DLG2: variants seen among roughly 807,000 people sequenced by gnomAD.
DLG2 encodes disks large homolog 2.
Under a neutral mutation model 132.5 loss-of-function variants are expected in DLG2, and 45 were observed. The ratio of observed to expected loss-of-function variants is 0.34; its 90% confidence interval spans 0.27 to 0.44. The LOEUF (loss-of-function observed/expected upper bound fraction) is 0.44. Among genes scored for constraint, DLG2 ranks in the 20% least tolerant of loss-of-function variants. The pLI is 1.00. For synonymous variants in DLG2, 424 were observed against 419.6 expected (o/e 1.01, Z -0.13); for missense variants, 1,045 against 1,196.9 (o/e 0.87, Z 1.87).
intron 3 of DLG2, among the ~76,000 whole-genome samples, chr11:85,325,065 G>T (rs1393551204): frequency 1.0e-4 from 14 of 139,660 alleles, no homozygotes; most frequent in Admixed American, 1.0e-3. Flanking sequence ...TTTTCAGACC[G>T]GCTTAAGAAA....
chr11:84,493,139 G>A (rs1203391784), intron 7 of DLG2, among the ~76,000 whole-genome samples: 1 of 151,658 alleles, frequency 6.6e-6, no homozygotes, highest in African/African-American at 2.4e-5. Context: ...CATGGTGTAT[G>A]TCCATCAGCT....
chr11:85,391,392 C>A (rs1004419190), intron 3 of DLG2, among the ~76,000 whole-genome samples: 1 of 152,076 alleles, frequency 6.6e-6, no homozygotes, highest in Non-Finnish European at 1.5e-5. Context: ...CCCATTGGTA[C>A]TATTCCAAAA....
At chr11:84,200,680 T>C (rs961381146) in intron 8 of DLG2, among the ~76,000 whole-genome samples, 1 of 152,164 alleles carries the variant, frequency 6.6e-6, no homozygotes, top group African/African-American at 2.4e-5. Flanking sequence ...GCTAGCTGTA[T>C]TCCTAGGTAT....
intron 6 of DLG2, among the ~76,000 whole-genome samples, chr11:84,952,465 G>C (rs528030653): frequency 1.7e-3 from 258 of 152,146 alleles, no homozygotes; most frequent in African/African-American, 6.1e-3. Context: ...TGCAGTGAGC[G>C]GAGATCGCGC....
intron 18 of DLG2, among the ~76,000 whole-genome samples, chr11:83,774,474 C>T (rs1214727349): frequency 6.6e-6 from 1 of 152,068 alleles, no homozygotes; most frequent in Non-Finnish European, 1.5e-5. Context: ...AATGAGACTC[C>T]AAGAAGTGAA....
intron 15 of DLG2, among the ~76,000 whole-genome samples, chr11:83,897,734 A>C (rs908498459): frequency 6.6e-5 from 10 of 152,194 alleles, no homozygotes; most frequent in African/African-American, 2.4e-4. Flanking sequence ...ATGAAAAACA[A>C]GACAAACAAA....
intron 6 of DLG2, among the ~76,000 whole-genome samples, chr11:84,574,246 C>G (rs1329411354): frequency 6.6e-6 from 1 of 151,904 alleles, no homozygotes; most frequent in Non-Finnish European, 1.5e-5. Context: ...AGAGAAAGGT[C>G]TCTATACTCT....
chr11:83,677,729 A>G (rs1237018331), intron 18 of DLG2, among the ~76,000 whole-genome samples: 1 of 152,168 alleles, frequency 6.6e-6, no homozygotes, highest in Non-Finnish European at 1.5e-5. Context: ...TAGTAATTAC[A>G]AAAAGATTTG....
intron 6 of DLG2, among the ~76,000 whole-genome samples, chr11:84,971,916 C>T (rs1473482276): frequency 7.2e-5 from 11 of 152,024 alleles, no homozygotes; most frequent in Admixed American, 6.6e-4. Flanking sequence ...ATAAAATCCC[C>T]AAAGAACCAA....
At chr11:84,359,891 C>A (rs972861660) in intron 7 of DLG2, among the ~76,000 whole-genome samples, 10 of 151,898 alleles carry the variant, frequency 6.6e-5, no homozygotes, top group Admixed American at 1.3e-4. Flanking sequence ...GTTCATCGAA[C>A]TCTGATAATT....
At chr11:84,302,486 A>C (rs1204988944) in intron 7 of DLG2, among the ~76,000 whole-genome samples, 3 of 152,220 alleles carry the variant, frequency 2.0e-5, no homozygotes, top group African/African-American at 7.2e-5. Context: ...ACAGACATAT[A>C]TAAATGAGAC....
intron 6 of DLG2, among the ~76,000 whole-genome samples, chr11:84,962,261 G>C (rs2052687706): frequency 6.6e-6 from 1 of 152,228 alleles, no homozygotes; most frequent in Non-Finnish European, 1.5e-5. Context: ...TAAACACGTA[G>C]TAGAGATAGA....
chr11:84,585,184 AT>A (rs904502427), intron 6 of DLG2, among the ~76,000 whole-genome samples: 1 of 152,006 alleles, frequency 6.6e-6, no homozygotes, highest in African/African-American at 2.4e-5. Flanking sequence ...AATTAATTTA[AT>A]TTTTCGTATT....
At chr11:85,263,360 T>C (rs749600185) in intron 4 of DLG2, among the ~76,000 whole-genome samples, 6 of 151,808 alleles carry the variant, frequency 4.0e-5, no homozygotes, top group Non-Finnish European at 8.8e-5. Context: ...AGAGAGGGGG[T>C]CTGAGTTCCC....
intron 6 of DLG2, among the ~76,000 whole-genome samples, chr11:84,586,647 TA>T (rs1160821649): frequency 6.6e-6 from 1 of 152,154 alleles, no homozygotes; most frequent in Non-Finnish European, 1.5e-5. Flanking sequence ...TTTTCTATAT[TA>T]TTTTTTGTTT....
chr11:84,421,049 T>C (rs1017911515), intron 7 of DLG2, among the ~76,000 whole-genome samples: 4 of 152,138 alleles, frequency 2.6e-5, no homozygotes, highest in African/African-American at 9.7e-5. Context: ...CTTGAAGTCC[T>C]TAGGGTGGAG....
chr11:84,984,224 A>T (rs2056166535), intron 6 of DLG2, among the ~76,000 whole-genome samples: 2 of 152,244 alleles, frequency 1.3e-5, no homozygotes, highest in Admixed American at 1.3e-4. Flanking sequence ...ATCTAAAGTT[A>T]AGATGAAGGA....
At chr11:84,586,742 T>A (rs1368978035) in intron 6 of DLG2, among the ~76,000 whole-genome samples, 2 of 152,182 alleles carry the variant, frequency 1.3e-5, no homozygotes, top group African/African-American at 4.8e-5. Context: ...ATTCCTCTAC[T>A]AATTTGACAT....
chr11:83,564,417 C>T (rs1010030125), intron 19 of DLG2, among the ~76,000 whole-genome samples: 1 of 152,162 alleles, frequency 6.6e-6, no homozygotes, highest in East Asian at 1.9e-4. Context: ...AGACACTCAT[C>T]CCCTCATTGC....
Sources: gnomAD v4.1 joint callset for allele counts (sites outside exome capture counted in the v4.1 genomes callset) on GRCh38, gnomAD v4.1.1 for gene constraint, MANE v1.5 for transcripts, NCBI Gene and HGNC (gene_info 2026-07-23, HGNC 2026-07-21) for gene names.